Variants in AMY2A observed in about 807,000 individuals in gnomAD.
AMY2A encodes the protein amylase alpha 2A.
A neutral mutation model predicts 43.0 loss-of-function variants in AMY2A; 16 were observed. The observed-to-expected ratio is 0.37, with a 90% confidence interval of 0.25 to 0.56. The LOEUF (loss-of-function observed/expected upper bound fraction) is 0.56. AMY2A is among the 20% of genes least tolerant of loss of function. AMY2A has a pLI of 0.77. For missense variants in AMY2A, 212 were observed against 456.8 expected, an observed-to-expected ratio of 0.46 and a Z score of 4.89; for synonymous variants, 70 against 144.6, an observed-to-expected ratio of 0.48 and a Z score of 3.70.
rs1653112270 is a variant in AMY2A at position 103,617,545 on chromosome 1, A to T, written c.105A>T (p.Arg35=). Residue 35 remains arginine, a synonymous_variant, in exon 1 of 10, where the codon CGA becomes CGT. Coordinates refer to ENST00000414303, the MANE Select transcript of AMY2A (RefSeq NM_000699.4). The part of the protein sequence containing the change: ...RTSIVHLFEW[R]WVDIALECER... ...CTATTGTTCATCTGTTTGAATGGCG[A>T]TGGGTTGATATTGCTCTTGAATGTG... 6.2e-7 allele frequency: 1 copy of T among 1,600,798 alleles called. No individual in the cohort carries two copies.
At chr1:103,617,841 A>C in intron 1 of AMY2A, 113 bp from the exon 2 acceptor site, 1 of 1,555,762 alleles carries the variant, frequency 6.4e-7, no homozygotes, top group Non-Finnish European at 8.7e-7. Context: ...TTCAAGAGAT[A>C]GCTGCCTATA....
rs1236698681 is a variant in AMY2A, at chr1:103,619,306, C to T, written c.513+198C>T. Among the ~76,000 whole-genome samples the T allele has an allele frequency of 5.3e-5, 8 of 150,342 alleles. 1 individual carries two copies. The highest frequency in any genetic ancestry group is 1.5e-4 in the African/African-American group (6 of 41,256). On this transcript the variant is annotated intron_variant, in intron 3 of 9. Transcript: ENST00000414303. ...TGATTTAAGATTTTTAATCAATACA[C>T]ATTTGCCCACTTCTAAGAAGTTCCC...
intron 7 of AMY2A, among the ~76,000 whole-genome samples, chr1:103,623,374 A>G (rs1012686354): frequency 8.4e-6 from 1 of 119,414 alleles, no homozygotes; most frequent in Non-Finnish European, 1.8e-5. Context: ...GCACCTAGTG[A>G]GGCGAGGCGA....
At chr1:103,617,690 G>T in intron 1 of AMY2A, 82 bp downstream of exon 1, 1 of 1,595,732 alleles carries the variant, frequency 6.3e-7, no homozygotes, top group Non-Finnish European at 8.6e-7. Flanking sequence ...TGAAGCTTGG[G>T]CAACATTTTA....
rs779378518 is a variant in AMY2A at position 103,618,100 on chromosome 1, G to T, written c.315G>T (p.Gly105=). The T allele has an allele frequency of 6.3e-7, 1 of 1,595,468 alleles. No individual in the cohort carries two copies. Among genetic ancestry groups the T allele is most frequent in the African/African-American group, 1.3e-5 (1 of 74,684 alleles). ...RNMVTRCNNV[G]VRIYVDAVIN... ...TGGTGACTAGATGTAACAATGTTGG[G>T]GTAAGTGAATTCTAGTTTCCTTTAA... is the stretch of plus-strand genomic sequence containing the variant. Residue 105 remains glycine, a splice_region_variant and synonymous_variant, in exon 2 of 10, where the codon GGG becomes GGT. Coordinates refer to ENST00000414303, the MANE Select transcript of AMY2A (RefSeq NM_000699.4).
chr1:103,616,762 C>T (rs148784712), upstream of AMY2A: 551 of 155,770 alleles, frequency 3.5e-3, 16 homozygotes, highest in African/African-American at 0.012. Flanking sequence ...CTTTACTACA[C>T]GTGGCTTGGT....
At chr1:103,617,328 A>G, upstream of AMY2A, 1 of 1,541,842 alleles carries the variant, frequency 6.5e-7, no homozygotes, top group Non-Finnish European at 8.9e-7. Flanking sequence ...TCAGATTATG[A>G]ATAAACAGTT....
At chr1:103,617,343 C>T (rs1653104297), upstream of AMY2A, 2 of 1,545,766 alleles carry the variant, frequency 1.3e-6, no homozygotes, top group East Asian at 2.2e-5. Context: ...ACAGTTTGCC[C>T]TCAAGTATTT....
chr1:103,619,941 A>G, intron 4 of AMY2A, 157 bp downstream of exon 4: 1 of 1,399,732 alleles, frequency 7.1e-7, no homozygotes, highest in Non-Finnish European at 9.7e-7. Flanking sequence ...AGCATATCTA[A>G]TTCTTTATCA....
At chr1:103,617,372 T>A (rs941105536), upstream of AMY2A, 57 of 1,557,452 alleles carry the variant, frequency 3.7e-5, 2 homozygotes, top group Admixed American at 3.6e-4. Context: ...TAATATTTAC[T>A]TTGTAAAATG....
At position 103,617,862 on chromosome 1, in the gene AMY2A, A is replaced by C. The variant is rs1268730689; in HGVS notation, c.169-92A>C. 2.5e-5 allele frequency: 40 copies of C among 1,575,092 alleles called. 2 individuals are homozygous for C. The highest frequency in any genetic ancestry group is 3.4e-5 in the Non-Finnish European group (39 of 1,158,154). ...AGATAGCTGCCTATACCAAGATTCA[A>C]GAATCTTTTATACTATTGATTAGTT... On this transcript the variant is annotated intron_variant, in intron 1 of 9. Coordinates refer to ENST00000414303, the MANE Select transcript of AMY2A (RefSeq NM_000699.4).
intron 2 of AMY2A, 46 bp from the exon 3 acceptor site, chr1:103,618,865 T>C (rs1199339112): frequency 3.1e-6 from 2 of 652,584 alleles, no homozygotes; most frequent in African/African-American, 3.7e-5. Context: ...GCTTTAAATT[T>C]CTACCTCTCT....
chr1:103,619,061 T>C lies in AMY2A; in HGVS notation c.466T>C (p.Cys156Arg), dbSNP rs1049844172. 1 of 1,281,214 alleles carries C rather than the reference T, an allele frequency of 7.8e-7. No homozygotes were observed. Among genetic ancestry groups the C allele is most frequent in the African/African-American group, 1.6e-5 (1 of 63,552 alleles). 79.4% of individuals were successfully genotyped at this position (1,281,214 alleles called of 1,614,324 possible). A position where few individuals can be genotyped will look rare whatever the true frequency, so the allele number is the denominator to read the frequency against. The change falls in exon 3 of 10, where the codon TGT (cysteine) becomes CGT (arginine). Residue 156 changes from cysteine to arginine, a missense_variant. Physicochemically the swap from Cys to Arg is radical, Grantham distance 180. Transcript: ENST00000414303. ...YSGWDFNDGK[C>R]KTGSGDIENY... ...TGGATGGGATTTCAATGATGGTAAATGTAAAACTGGAAGTGGAGATATCGA... is the reference window on the plus strand; with the variant it reads ...TGGATGGGATTTCAATGATGGTAAACGTAAAACTGGAAGTGGAGATATCGA...
chr1:103,618,180 G>A lies in AMY2A; in HGVS notation c.315+80G>A. ...TCTTCTTTCTTGCTCCTTTTCAGCA[G>A]AAAATTTTCCGTATTTTATTTTTTT... is the stretch of plus-strand genomic sequence containing the variant. On this transcript the variant is annotated intron_variant, in intron 2 of 9. Transcript: ENST00000414303. 2.2e-5 allele frequency: 33 copies of A among 1,513,710 alleles called. 4 individuals are homozygous for A. The highest frequency in any genetic ancestry group is 6.4e-5 in the South Asian group (5 of 78,214). The allele number at this position is 1,513,710 out of a possible 1,614,324, so 93.8% of individuals were successfully genotyped here. A position where few individuals can be genotyped will look rare whatever the true frequency, so the allele number is the denominator to read the frequency against.
upstream of AMY2A, chr1:103,617,154 T>C: frequency 1.0e-6 from 1 of 977,340 alleles, no homozygotes; most frequent in Non-Finnish European, 1.4e-6. Flanking sequence ...TTTCTACTGT[T>C]ATGTGAGAAC....
chr1:103,618,208 T>A (rs1430930937), intron 2 of AMY2A, 108 bp downstream of exon 2: 3 of 1,455,102 alleles, frequency 2.1e-6, no homozygotes, highest in Non-Finnish European at 2.8e-6. Flanking sequence ...ATTTTTTTAA[T>A]TTTACTTCAT....
chr1:103,618,798 A>C, intron 2 of AMY2A, 113 bp from the exon 3 acceptor site: 1 of 1,453,348 alleles, frequency 6.9e-7, no homozygotes, highest in Non-Finnish European at 9.4e-7. Context: ...AATAATTATA[A>C]GATATCATGA....
At chr1:103,617,249 A>T (rs1557780567), upstream of AMY2A, 20 of 1,246,192 alleles carry the variant, frequency 1.6e-5, no homozygotes, top group South Asian at 3.0e-4. Flanking sequence ...CTAAAAGGTC[A>T]TTTAGATGAT....
chr1:103,618,486 C>A (rs1387625526), intron 2 of AMY2A, among the ~76,000 whole-genome samples: 1 of 150,706 alleles, frequency 6.6e-6, no homozygotes, highest in East Asian at 1.9e-4. Context: ...GAATAGCTAG[C>A]TTCTCTATTT....
Sources: allele counts gnomAD v4.1 joint callset (sites outside exome capture counted in the v4.1 genomes callset), GRCh38; gene constraint gnomAD v4.1.1; transcripts MANE v1.5; gene names NCBI Gene and HGNC (gene_info 2026-07-23, HGNC 2026-07-21).